Variants in ARB2A observed in about 807,000 individuals in gnomAD.
The protein encoded by ARB2A is ARB2 cotranscriptional regulator A, also known as cotranscriptional regulator ARB2A.
chr5:93,627,267 A>G, the ARB2A span, among the ~76,000 whole-genome samples: 2 of 152,090 alleles, frequency 1.3e-5, no homozygotes, highest in Non-Finnish European at 2.9e-5. Context: ...GCTGGAATCA[A>G]CTTCTTCCAA....
chr5:93,774,884 C>T, the ARB2A span, among the ~76,000 whole-genome samples: 3 of 152,264 alleles, frequency 2.0e-5, no homozygotes, highest in South Asian at 6.2e-4. Flanking sequence ...CAGAAGCTCA[C>T]AGGAACCTGG....
chr5:94,077,960 T>C, the ARB2A span, among the ~76,000 whole-genome samples: 1 of 152,214 alleles, frequency 6.6e-6, no homozygotes, highest in Non-Finnish European at 1.5e-5. Context: ...AAGCTATAAA[T>C]AACTTGTCAT....
At chr5:94,081,013 T>G in the ARB2A span, among the ~76,000 whole-genome samples, 7 of 152,134 alleles carry the variant, frequency 4.6e-5, no homozygotes, top group Non-Finnish European at 1.5e-5. Flanking sequence ...AATAAAAAAA[T>G]TTTAAAGTGG....
the ARB2A span, among the ~76,000 whole-genome samples, chr5:93,712,634 T>C: frequency 6.6e-6 from 1 of 152,090 alleles, no homozygotes; most frequent in Admixed American, 6.6e-5. Flanking sequence ...CAATTTTAAT[T>C]CTCAAACTAG....
chr5:93,825,761 T>C, the ARB2A span, among the ~76,000 whole-genome samples: 12,356 of 152,164 alleles, frequency 0.081, 739 homozygotes, highest in Middle Eastern at 0.16. Context: ...AAAGTTATAC[T>C]GATCTTTTGA....
the ARB2A span, among the ~76,000 whole-genome samples, chr5:94,036,689 T>A: frequency 6.6e-6 from 1 of 152,218 alleles, no homozygotes; most frequent in East Asian, 1.9e-4. Context: ...GTTTCTGTTG[T>A]TTTGGTCTTT....
At chr5:93,996,319 T>C in the ARB2A span, among the ~76,000 whole-genome samples, 1 of 152,100 alleles carries the variant, frequency 6.6e-6, no homozygotes, top group Admixed American at 6.6e-5. Context: ...CCATAGATAA[T>C]TAGGTTTTGA....
At chr5:93,797,657 T>C in the ARB2A span, among the ~76,000 whole-genome samples, 2 of 152,274 alleles carry the variant, frequency 1.3e-5, no homozygotes, top group Non-Finnish European at 2.9e-5. Flanking sequence ...AAGTAGTGCC[T>C]GAAAGGTGAC....
the ARB2A span, among the ~76,000 whole-genome samples, chr5:94,078,212 T>C: frequency 9.2e-5 from 14 of 152,258 alleles, no homozygotes; most frequent in African/African-American, 3.4e-4. Context: ...AAGTACAAAA[T>C]ATATCACAGA....
At chr5:93,701,570 T>G in the ARB2A span, among the ~76,000 whole-genome samples, 1 of 151,946 alleles carries the variant, frequency 6.6e-6, no homozygotes, top group Non-Finnish European at 1.5e-5. Context: ...TCCAAACCAA[T>G]AATCCCTGTT....
At chr5:93,623,990 A>G in the ARB2A span, among the ~76,000 whole-genome samples, 1 of 152,210 alleles carries the variant, frequency 6.6e-6, no homozygotes, top group Non-Finnish European at 1.5e-5. Context: ...ATTTAGGTCC[A>G]AAGTTCAGTG....
At chr5:93,783,817 T>G in the ARB2A span, among the ~76,000 whole-genome samples, 2 of 152,174 alleles carry the variant, frequency 1.3e-5, no homozygotes, top group Non-Finnish European at 2.9e-5. Flanking sequence ...CACCAGCCCT[T>G]AGGAAGTGTG....
chr5:93,683,405 C>T, the ARB2A span: 4 of 1,602,658 alleles, frequency 2.5e-6, no homozygotes, highest in Non-Finnish European at 3.4e-6. Flanking sequence ...TGGCCCTGAA[C>T]CACACTTCAA....
the ARB2A span, among the ~76,000 whole-genome samples, chr5:93,887,309 A>C: frequency 6.6e-6 from 1 of 151,660 alleles, no homozygotes; most frequent in South Asian, 2.1e-4. Flanking sequence ...AAGTGAAAGA[A>C]GACTGTCAGC....
At chr5:93,934,348 C>T in the ARB2A span, among the ~76,000 whole-genome samples, 10 of 152,206 alleles carry the variant, frequency 6.6e-5, no homozygotes, top group Middle Eastern at 6.8e-3. Flanking sequence ...ATAACTGAGA[C>T]GATTTTGAAA....
chr5:93,718,364 G>A, the ARB2A span, among the ~76,000 whole-genome samples: 6 of 151,946 alleles, frequency 3.9e-5, no homozygotes, highest in African/African-American at 7.2e-5. Context: ...GCGTGAACCC[G>A]GGAGGCAGAG....
the ARB2A span, among the ~76,000 whole-genome samples, chr5:93,963,035 G>A: frequency 6.6e-6 from 1 of 152,004 alleles, no homozygotes; most frequent in Non-Finnish European, 1.5e-5. Context: ...GTATTATAGA[G>A]TTAGCAGACT....
At chr5:93,713,580 G>C in the ARB2A span, among the ~76,000 whole-genome samples, 4 of 152,094 alleles carry the variant, frequency 2.6e-5, no homozygotes. Context: ...TGTGGAGAAA[G>C]GGACACCCTT....
the ARB2A span, among the ~76,000 whole-genome samples, chr5:93,991,682 G>A: frequency 2.6e-5 from 4 of 151,816 alleles, no homozygotes; most frequent in Non-Finnish European, 5.9e-5. Flanking sequence ...TGCTACAGAA[G>A]AATAGATAAG....
Sources: allele counts gnomAD v4.1 joint callset (sites outside exome capture counted in the v4.1 genomes callset), GRCh38; gene constraint gnomAD v4.1.1; transcripts MANE v1.5; gene names NCBI Gene and HGNC (gene_info 2026-07-23, HGNC 2026-07-21).